QTMAN: variants seen among roughly 807,000 people sequenced by gnomAD.
QTMAN encodes the protein queuosine-tRNA mannosyltransferase.
the QTMAN span, among the ~76,000 whole-genome samples, chr2:143,981,915 C>G: frequency 1.3e-5 from 2 of 152,254 alleles, no homozygotes; most frequent in Non-Finnish European, 2.9e-5. Context: ...GGATAAATCT[C>G]TATTACTCTA....
At chr2:143,947,838 C>T in the QTMAN span, among the ~76,000 whole-genome samples, 2 of 148,794 alleles carry the variant, frequency 1.3e-5, no homozygotes, top group African/African-American at 2.5e-5. Context: ...GAAAGCCAGA[C>T]CAAATAAAAT....
the QTMAN span, among the ~76,000 whole-genome samples, chr2:144,187,840 T>C: frequency 6.6e-6 from 1 of 152,146 alleles, no homozygotes; most frequent in Non-Finnish European, 1.5e-5. Flanking sequence ...ATTCAAAATG[T>C]CTGTGCTGAT....
At chr2:144,114,272 C>T in the QTMAN span, among the ~76,000 whole-genome samples, 1 of 152,218 alleles carries the variant, frequency 6.6e-6, no homozygotes, top group Non-Finnish European at 1.5e-5. Context: ...CTACAGCCTG[C>T]TTGTCAAGGC....
At chr2:144,093,420 A>G in the QTMAN span, among the ~76,000 whole-genome samples, 2 of 152,230 alleles carry the variant, frequency 1.3e-5, no homozygotes. Context: ...CAAAGCAATC[A>G]ATCATCTTGG....
chr2:143,975,225 T>C, the QTMAN span, among the ~76,000 whole-genome samples: 13 of 152,380 alleles, frequency 8.5e-5, no homozygotes, highest in African/African-American at 3.1e-4. Context: ...TTCTTAGAGC[T>C]AAATTTCTTC....
At chr2:144,099,762 T>C in the QTMAN span, among the ~76,000 whole-genome samples, 1 of 152,216 alleles carries the variant, frequency 6.6e-6, no homozygotes, top group African/African-American at 2.4e-5. Flanking sequence ...TGTGACCACA[T>C]CTTTTAAGCT....
chr2:144,170,018 T>C, the QTMAN span, among the ~76,000 whole-genome samples: 1 of 152,186 alleles, frequency 6.6e-6, no homozygotes, highest in Non-Finnish European at 1.5e-5. Flanking sequence ...ACTGAGATTG[T>C]ACTATATACA....
the QTMAN span, among the ~76,000 whole-genome samples, chr2:144,085,504 A>G: frequency 6.6e-6 from 1 of 152,212 alleles, no homozygotes; most frequent in Non-Finnish European, 1.5e-5. Flanking sequence ...CTTAGAGGGT[A>G]AGAAAAGGAA....
chr2:144,224,626 T>G, the QTMAN span, among the ~76,000 whole-genome samples: 1 of 152,146 alleles, frequency 6.6e-6, no homozygotes, highest in African/African-American at 2.4e-5. Context: ...GATAATGAGA[T>G]GACATCTAAA....
the QTMAN span, among the ~76,000 whole-genome samples, chr2:144,182,889 T>TATATATTTTATATATA: frequency 1.2e-5 from 1 of 81,206 alleles, no homozygotes; most frequent in Non-Finnish European, 2.2e-5. Flanking sequence ...ATATATTTTA[T>TATATATTTTATATATA]ATATATATAT....
the QTMAN span, among the ~76,000 whole-genome samples, chr2:144,201,630 T>C: frequency 6.6e-6 from 1 of 152,238 alleles, no homozygotes; most frequent in Admixed American, 6.5e-5. Flanking sequence ...CATATGTCCA[T>C]GTTTGTCAAG....
chr2:144,056,015 C>T, the QTMAN span, among the ~76,000 whole-genome samples: 1 of 152,178 alleles, frequency 6.6e-6, no homozygotes, highest in Non-Finnish European at 1.5e-5. Flanking sequence ...GTAGCACCTG[C>T]TTCGGATGGT....
the QTMAN span, among the ~76,000 whole-genome samples, chr2:144,090,951 A>T: frequency 3.9e-5 from 6 of 152,078 alleles, no homozygotes; most frequent in Admixed American, 3.9e-4. Flanking sequence ...AAGACTTATT[A>T]TAACTAGAAT....
chr2:144,019,435 G>GGGGTGTGTGTGTGTGTGTGTGTGT, the QTMAN span, among the ~76,000 whole-genome samples: 1 of 117,224 alleles, frequency 8.5e-6, no homozygotes, highest in African/African-American at 3.1e-5. Context: ...TAAGCATGCA[G>GGGGTGTGTGTGTGTGTGTGTGTGT]GTGTGTGTGT....
At chr2:144,229,006 T>C in the QTMAN span, among the ~76,000 whole-genome samples, 5 of 152,206 alleles carry the variant, frequency 3.3e-5, no homozygotes, top group South Asian at 1.0e-3. Context: ...ATTTTTTAAA[T>C]AGGGAAGACT....
chr2:144,242,860 G>T, the QTMAN span, among the ~76,000 whole-genome samples: 2 of 150,560 alleles, frequency 1.3e-5, no homozygotes, highest in Non-Finnish European at 2.9e-5. Context: ...ACTTTGGGAG[G>T]CTGAGACATG....
At chr2:144,320,292 A>G in the QTMAN span, among the ~76,000 whole-genome samples, 1 of 152,188 alleles carries the variant, frequency 6.6e-6, no homozygotes, top group South Asian at 2.1e-4. Context: ...TGGTCCTTCC[A>G]AGGAGAAGTT....
At chr2:144,332,035 G>A in the QTMAN span, among the ~76,000 whole-genome samples, 1 of 152,148 alleles carries the variant, frequency 6.6e-6, no homozygotes, top group Non-Finnish European at 1.5e-5. Context: ...CCCGCGCGAG[G>A]GCGACGTGCC....
chr2:144,281,395 C>CAAAAAAAAAAAAAAAAAAAAA, the QTMAN span, among the ~76,000 whole-genome samples: 1 of 60,594 alleles, frequency 1.7e-5, no homozygotes, highest in Non-Finnish European at 3.0e-5. Context: ...ATTGTTATAG[C>CAAAAAAAAAAAAAAAAAAAAA]AAAAAAAAAA....
Sources: gnomAD v4.1 joint callset for allele counts (sites outside exome capture counted in the v4.1 genomes callset) on GRCh38, gnomAD v4.1.1 for gene constraint, MANE v1.5 for transcripts, NCBI Gene and HGNC (gene_info 2026-07-23, HGNC 2026-07-21) for gene names.